Variants in ATXN1 observed in about 807,000 individuals in gnomAD.
The protein encoded by ATXN1 is ataxin 1.
A neutral mutation model predicts 56.4 loss-of-function variants in ATXN1; 8 were observed. The ratio of observed to expected loss-of-function variants is 0.14; its 90% CI spans 0.08 to 0.26. ATXN1 has a LOEUF of 0.26. ATXN1 is among the 10% of genes least tolerant of loss of function. The pLI, the probability that ATXN1 is intolerant of heterozygous loss-of-function variation, is 1.00. For missense variants in ATXN1, 987 were observed against 1,106.5 expected (o/e 0.89, Z 1.53); for synonymous variants, 514 against 494.6 (o/e 1.04, Z -0.52).
At chr6:16,422,934 C>T (rs541946478) in intron 6 of ATXN1, among the ~76,000 whole-genome samples, 2 of 152,262 alleles carry the variant, frequency 1.3e-5, no homozygotes, top group East Asian at 3.9e-4. Context: ...CTGAAAAGCA[C>T]TTTATTTTCA....
chr6:16,519,328 C>T (rs183126447), intron 5 of ATXN1, among the ~76,000 whole-genome samples: 11 of 152,210 alleles, frequency 7.2e-5, no homozygotes, highest in Admixed American at 2.0e-4. Flanking sequence ...AAAAAGTATC[C>T]GTTGGAACTA....
At chr6:16,635,051 A>G (rs1045213082) in intron 3 of ATXN1, among the ~76,000 whole-genome samples, 8 of 152,178 alleles carry the variant, frequency 5.3e-5, no homozygotes, top group African/African-American at 1.9e-4. Flanking sequence ...CTTCATCTGT[A>G]TTTACAGCCA....
intron 3 of ATXN1, among the ~76,000 whole-genome samples, chr6:16,645,127 G>A (rs760738605): frequency 6.6e-6 from 1 of 152,176 alleles, no homozygotes; most frequent in African/African-American, 2.4e-5. Context: ...CTGTTGCCAT[G>A]TGTCTTTTAG....
intron 6 of ATXN1, among the ~76,000 whole-genome samples, chr6:16,462,499 T>C (rs1053695523): frequency 6.6e-6 from 1 of 152,226 alleles, no homozygotes; most frequent in Non-Finnish European, 1.5e-5. Context: ...GCCCCTTTAA[T>C]GGAATCCTTT....
intron 4 of ATXN1, among the ~76,000 whole-genome samples, chr6:16,572,026 G>A (rs1451115246): frequency 1.3e-5 from 2 of 152,132 alleles, no homozygotes; most frequent in Non-Finnish European, 2.9e-5. Context: ...TGTAAGTCAT[G>A]TTTTAGATAT....
intron 4 of ATXN1, among the ~76,000 whole-genome samples, chr6:16,576,178 G>GAATA (rs1277685329): frequency 1.3e-5 from 2 of 151,954 alleles, no homozygotes; most frequent in Non-Finnish European, 2.9e-5. Context: ...CCTTCACAGG[G>GAATA]AATAATGAAG....
intron 6 of ATXN1, among the ~76,000 whole-genome samples, chr6:16,417,924 T>G (rs1758949218): frequency 6.6e-6 from 1 of 152,180 alleles, no homozygotes; most frequent in Admixed American, 6.5e-5. Flanking sequence ...GTTCAAAAGT[T>G]AGCCTCTCAA....
intron 6 of ATXN1, among the ~76,000 whole-genome samples, chr6:16,377,326 C>T (rs927908229): frequency 1.3e-5 from 2 of 152,210 alleles, no homozygotes; most frequent in Non-Finnish European, 2.9e-5. Flanking sequence ...AGTTTGAAAC[C>T]ATTCAACTGG....
chr6:16,504,366 T>C (rs1288083514), intron 5 of ATXN1, among the ~76,000 whole-genome samples: 1 of 152,182 alleles, frequency 6.6e-6, no homozygotes. Flanking sequence ...AGCTTATATA[T>C]GACAACCATG....
At chr6:16,756,261 T>C (rs928011631) in intron 1 of ATXN1, among the ~76,000 whole-genome samples, 1 of 152,154 alleles carries the variant, frequency 6.6e-6, no homozygotes, top group Non-Finnish European at 1.5e-5. Flanking sequence ...GTAATTACCG[T>C]TCTTTCAGCC....
At chr6:16,493,114 T>C (rs899381016) in intron 5 of ATXN1, among the ~76,000 whole-genome samples, 3 of 152,244 alleles carry the variant, frequency 2.0e-5, no homozygotes, top group Admixed American at 6.5e-5. Context: ...GAGTCATCCC[T>C]GTTGGATCGA....
At chr6:16,495,601 GCCTATAATC>G (rs1315537217) in intron 5 of ATXN1, among the ~76,000 whole-genome samples, 1 of 152,152 alleles carries the variant, frequency 6.6e-6, no homozygotes, top group Non-Finnish European at 1.5e-5. Flanking sequence ...GGTGGCTTAC[GCCTATAATC>G]CCTGTACTTT....
intron 5 of ATXN1, among the ~76,000 whole-genome samples, chr6:16,492,036 C>T (rs1442529562): frequency 6.6e-6 from 1 of 152,016 alleles, no homozygotes; most frequent in African/African-American, 2.4e-5. Flanking sequence ...ACCATGAGCT[C>T]CAGATAATAA....
intron 4 of ATXN1, among the ~76,000 whole-genome samples, chr6:16,535,695 G>A (rs1368004006): frequency 4.6e-5 from 7 of 152,244 alleles, no homozygotes; most frequent in Admixed American, 3.9e-4. Context: ...TGTGGGCTGT[G>A]CACAGTGACT....
chr6:16,458,557 T>C (rs923414240), intron 6 of ATXN1, among the ~76,000 whole-genome samples: 1 of 152,098 alleles, frequency 6.6e-6, no homozygotes, highest in Non-Finnish European at 1.5e-5. Context: ...CGGTGTTCTC[T>C]AATAGGAACC....
At chr6:16,419,219 G>C (rs1758979126) in intron 6 of ATXN1, among the ~76,000 whole-genome samples, 1 of 152,302 alleles carries the variant, frequency 6.6e-6, no homozygotes, top group South Asian at 2.1e-4. Context: ...AAGTAGCTGG[G>C]AGTACAGGTG....
chr6:16,404,176 A>C (rs761223525), intron 6 of ATXN1, among the ~76,000 whole-genome samples: 8 of 152,134 alleles, frequency 5.3e-5, no homozygotes, highest in Non-Finnish European at 1.2e-4. Context: ...TCTTAAACAT[A>C]TGACTCTTTA....
At chr6:16,385,224 C>G (rs1758213212) in intron 6 of ATXN1, among the ~76,000 whole-genome samples, 1 of 152,188 alleles carries the variant, frequency 6.6e-6, no homozygotes, top group South Asian at 2.1e-4. Context: ...GTGCCCTTCT[C>G]TCCCCAAGAT....
At chr6:16,348,528 G>A (rs1031109551) in intron 6 of ATXN1, among the ~76,000 whole-genome samples, 3 of 151,868 alleles carry the variant, frequency 2.0e-5, no homozygotes, top group Non-Finnish European at 2.9e-5. Context: ...GCAAAGCCCC[G>A]TCTCTACTAA....
Sources: allele counts gnomAD v4.1 joint callset (sites outside exome capture counted in the v4.1 genomes callset), GRCh38; gene constraint gnomAD v4.1.1; transcripts MANE v1.5; gene names NCBI Gene and HGNC (gene_info 2026-07-23, HGNC 2026-07-21).